CNTN5: variants seen among roughly 807,000 people sequenced by gnomAD.
The protein encoded by CNTN5 is contactin 5, also known as contactin-5.
CNTN5 carries 77 observed loss-of-function variants against 129.1 expected under a neutral mutation model. The observed-to-expected ratio is 0.60, with a 90% CI of 0.50 to 0.72. The LOEUF is 0.72. Ranked by LOEUF, CNTN5 falls within the 30% of genes least tolerant of loss-of-function variation. The pLI, the probability that CNTN5 is intolerant of heterozygous loss-of-function variation, is 0.00. For missense variants in CNTN5, 1,478 were observed against 1,328.8 expected (o/e 1.11, Z -1.75); for synonymous variants, 509 against 465.6 (o/e 1.09, Z -1.20).
rs184514241 is a variant in CNTN5 at position 99,109,740 on chromosome 11, A to T, written c.-210+88470A>T. The stretch of plus-strand genomic sequence containing the variant: ...GGCACAATGGCTTCCAGTAAAACAT[A>T]GTCTGCATTGCTTATATGTAAAAGA... On this transcript the variant is annotated intron_variant, in intron 1 of 24. Transcript: ENST00000524871. 2.0e-5 allele frequency among the ~76,000 whole-genome samples: 3 copies of T among 152,286 alleles called. No individual in the cohort carries two copies. The East Asian group carries it at 5.8e-4, about 29-fold the overall frequency.
intron 9 of CNTN5, among the ~76,000 whole-genome samples, chr11:100,008,868 A>T (rs1045987022): frequency 2.0e-5 from 3 of 152,078 alleles, no homozygotes; most frequent in African/African-American, 4.8e-5. Context: ...ATACATTCAA[A>T]CCGTGTTAGA....
At chr11:99,477,925 CT>C (rs1162860730) in intron 2 of CNTN5, among the ~76,000 whole-genome samples, 2 of 151,366 alleles carry the variant, frequency 1.3e-5, no homozygotes, top group Non-Finnish European at 2.9e-5. Flanking sequence ...TGAAAAAATC[CT>C]GCTGTTGTAG....
chr11:99,133,356 A>G (rs563339103), intron 1 of CNTN5, among the ~76,000 whole-genome samples: 3 of 147,302 alleles, frequency 2.0e-5, no homozygotes, highest in Non-Finnish European at 4.5e-5. Flanking sequence ...CAAAGATTTT[A>G]TGATGAAATT....
chr11:99,572,768 T>TTA (rs1555032598), intron 3 of CNTN5, among the ~76,000 whole-genome samples: 288 of 151,912 alleles, frequency 1.9e-3, no homozygotes, highest in Middle Eastern at 3.4e-3. Context: ...GGGTTTTTTT[T>TTA]AAAAAATAGA....
intron 3 of CNTN5, among the ~76,000 whole-genome samples, chr11:99,627,390 G>A (rs594858): frequency 0.82 from 124,340 of 152,066 alleles, 50,899 homozygotes; most frequent in Admixed American, 0.88. Flanking sequence ...TACCATAGTT[G>A]AAGGTTTATC....
intron 1 of CNTN5, among the ~76,000 whole-genome samples, chr11:99,315,475 T>C (rs1356355464): frequency 6.7e-6 from 1 of 149,354 alleles, no homozygotes; most frequent in Non-Finnish European, 1.5e-5. Flanking sequence ...ACTTTGGAGA[T>C]GGAAAAGAAA....
intron 10 of CNTN5, among the ~76,000 whole-genome samples, chr11:100,064,719 T>C (rs963827806): frequency 1.3e-5 from 2 of 152,146 alleles, no homozygotes; most frequent in Non-Finnish European, 1.5e-5. Context: ...ACTCATCATA[T>C]AAAATTTTGT....
At chr11:99,917,322 T>C (rs1369478872) in intron 7 of CNTN5, among the ~76,000 whole-genome samples, 1 of 152,154 alleles carries the variant, frequency 6.6e-6, no homozygotes, top group Non-Finnish European at 1.5e-5. Context: ...ATTAAACATA[T>C]CTATTCTTGC....
chr11:99,710,101 G>T (rs1467234234), intron 3 of CNTN5, among the ~76,000 whole-genome samples: 3 of 151,760 alleles, frequency 2.0e-5, no homozygotes, highest in Admixed American at 6.6e-5. Flanking sequence ...GCTAGGCAGA[G>T]TTGCTAATTT....
intron 3 of CNTN5, among the ~76,000 whole-genome samples, chr11:99,698,628 A>C (rs1402487546): frequency 6.6e-6 from 1 of 151,600 alleles, no homozygotes; most frequent in Non-Finnish European, 1.5e-5. Flanking sequence ...CCAACTTTTG[A>C]ACACATTGTT....
chr11:99,744,410 C>T (rs921232156), intron 3 of CNTN5, among the ~76,000 whole-genome samples: 1 of 151,726 alleles, frequency 6.6e-6, no homozygotes, highest in Admixed American at 6.6e-5. Context: ...TCCCACTAAA[C>T]AATGTTGGGA....
chr11:99,571,120 T>G (rs757922646), intron 3 of CNTN5, among the ~76,000 whole-genome samples: 14 of 152,198 alleles, frequency 9.2e-5, no homozygotes, highest in Non-Finnish European at 1.5e-4. Context: ...AAAGGCAGCC[T>G]GCTTTCTGCT....
chr11:100,071,613 A>C, intron 11 of CNTN5, 92 bp from the exon 12 acceptor site: 1 of 937,942 alleles, frequency 1.1e-6, no homozygotes, highest in Non-Finnish European at 1.5e-6. Flanking sequence ...TATTAATTGC[A>C]AACTTGTTTT....
chr11:99,773,637 A>G (rs866584775), intron 3 of CNTN5, among the ~76,000 whole-genome samples: 1 of 152,124 alleles, frequency 6.6e-6, no homozygotes, highest in African/African-American at 2.4e-5. Flanking sequence ...TCTTCATACA[A>G]TGTAAAAATT....
At chr11:99,678,141 T>C (rs892354928) in intron 3 of CNTN5, among the ~76,000 whole-genome samples, 6 of 152,156 alleles carry the variant, frequency 3.9e-5, no homozygotes, top group Non-Finnish European at 8.8e-5. Context: ...ATAAGTTATA[T>C]CACTACACAC....
At chr11:100,040,765 C>A (rs553293565) in intron 9 of CNTN5, among the ~76,000 whole-genome samples, 1 of 152,194 alleles carries the variant, frequency 6.6e-6, no homozygotes, top group Admixed American at 6.5e-5. Context: ...GGGCGTAGGA[C>A]CCTCCTAGCC....
At chr11:99,336,915 C>G (rs550563846) in intron 2 of CNTN5, among the ~76,000 whole-genome samples, 1 of 151,926 alleles carries the variant, frequency 6.6e-6, no homozygotes, top group Non-Finnish European at 1.5e-5. Flanking sequence ...CATGACAATT[C>G]ACAATAGTAA....
chr11:99,254,624 C>A (rs1456653442), intron 1 of CNTN5, among the ~76,000 whole-genome samples: 2 of 151,748 alleles, frequency 1.3e-5, no homozygotes, highest in Admixed American at 6.6e-5. Context: ...TTGTTGATAC[C>A]TTGAATGTTC....
intron 1 of CNTN5, among the ~76,000 whole-genome samples, chr11:99,044,622 T>A (rs987087853): frequency 6.6e-6 from 1 of 152,178 alleles, no homozygotes; most frequent in Non-Finnish European, 1.5e-5. Context: ...TGCCACAGAA[T>A]TCTGAGATCC....
Sources: allele counts gnomAD v4.1 joint callset (sites outside exome capture counted in the v4.1 genomes callset), GRCh38; gene constraint gnomAD v4.1.1; transcripts MANE v1.5; gene names NCBI Gene and HGNC (gene_info 2026-07-23, HGNC 2026-07-21).